Variants in CEP152 observed in about 807,000 individuals in gnomAD.
CEP152 encodes centrosomal protein 152.
CEP152 carries 132 observed loss-of-function variants against 188.9 expected under a neutral mutation model. The ratio of observed to expected loss-of-function variants is 0.70; its 90% CI spans 0.61 to 0.81. The LOEUF is 0.81. Among genes scored for constraint, CEP152 ranks in the 30% least tolerant of loss-of-function variants. CEP152 has a pLI of 0.00. For synonymous variants in CEP152, 649 were observed against 666.6 expected, an observed-to-expected ratio of 0.97 and a Z score of 0.41; for missense variants, 1,914 against 1,969.8, an observed-to-expected ratio of 0.97 and a Z score of 0.54.
chr15:48,751,750 C>G (rs562080177), intron 21 of CEP152, among the ~76,000 whole-genome samples: 1 of 152,256 alleles, frequency 6.6e-6, no homozygotes, highest in African/African-American at 2.4e-5. Context: ...TCTGAAATCT[C>G]CATGAATAGG....
intron 1 of CEP152, among the ~76,000 whole-genome samples, chr15:48,806,090 C>T (rs931871905): frequency 6.6e-6 from 1 of 151,984 alleles, no homozygotes; most frequent in African/African-American, 2.4e-5. Context: ...AAATATCATG[C>T]TTTACAAGAA....
At chr15:48,756,626 A>G in intron 19 of CEP152, 73 bp from the exon 20 acceptor site, 2 of 1,439,766 alleles carry the variant, frequency 1.4e-6, no homozygotes, top group Non-Finnish European at 9.6e-7. Context: ...TAAGGTAACT[A>G]TTTTGGTTAA....
Position 48,772,410 on chromosome 15 carries a change from C to CAA in CEP152, c.1782+75_1782+76dup, listed in dbSNP as rs146867646. The stretch of plus-strand genomic sequence containing the variant: ...TGGAAGACAGAGTGACGCCCTGTCT[C>CAA]AAAAAAAAAAAAGTGTAAAAGTTTT... On this transcript the variant is annotated intron_variant, in intron 13 of 26. Transcript: ENST00000380950. 1,085 of 1,044,872 alleles carry CAA rather than the reference C, an allele frequency of 1.0e-3. 1 individual carries two copies. The highest frequency in any genetic ancestry group is 9.1e-3 in the African/African-American group (546 of 59,842). The allele number at this position is 1,044,872 out of a possible 1,614,324, so 64.7% of individuals were successfully genotyped here.
chr15:48,752,650 A>G (rs1420758740), intron 20 of CEP152, among the ~76,000 whole-genome samples, 181 bp from the exon 21 acceptor site: 1 of 152,214 alleles, frequency 6.6e-6, no homozygotes, highest in Non-Finnish European at 1.5e-5. Flanking sequence ...ACTAGGAACT[A>G]GCTTCCTATG....
intron 21 of CEP152, among the ~76,000 whole-genome samples, chr15:48,749,260 G>T (rs757208691): frequency 1.3e-5 from 2 of 151,894 alleles, no homozygotes; most frequent in African/African-American, 2.4e-5. Flanking sequence ...GAGAGGAAAG[G>T]ATTCTTGATT....
chr15:48,766,219 CTTTTT>C (rs2140744941), intron 17 of CEP152, among the ~76,000 whole-genome samples: 1 of 152,290 alleles, frequency 6.6e-6, no homozygotes, highest in Non-Finnish European at 1.5e-5. Context: ...CTTTACTATT[CTTTTT>C]AAGTGTGTGG....
chr15:48,799,037 T>C (rs1207672666), intron 2 of CEP152, among the ~76,000 whole-genome samples: 1 of 152,176 alleles, frequency 6.6e-6, no homozygotes, highest in African/African-American at 2.4e-5. Flanking sequence ...TACTTCTCTT[T>C]AAGAAACTAA....
chr15:48,793,350 T>A lies in CEP152; in HGVS notation c.803A>T (p.Tyr268Phe), dbSNP rs372580183. Residue 268 changes from tyrosine to phenylalanine, a missense_variant, in exon 7 of 27, where the codon TAT becomes TTT. Transcript: ENST00000380950. ...TATTATTACAAGCTGGTGATTCAGA[T>A]ATCGAATTTGACGTTCACTTTCATT... Reference protein sequence around the residue: ...KLNESERQIRYLNHQLVIIKD... With the variant: ...KLNESERQIRFLNHQLVIIKD... 20 of 1,613,936 alleles carry A rather than the reference T, an allele frequency of 1.2e-5. No individual in the cohort carries two copies. In the African/African-American group the frequency reaches 2.5e-4, roughly 20 times the overall value.
At chr15:48,768,776 A>T (rs961773816) in intron 14 of CEP152, among the ~76,000 whole-genome samples, 180 bp downstream of exon 14, 1 of 152,178 alleles carries the variant, frequency 6.6e-6, no homozygotes, top group African/African-American at 2.4e-5. Context: ...CTTACCTTCC[A>T]ATGAAACTAC....
intron 13 of CEP152, among the ~76,000 whole-genome samples, chr15:48,769,989 T>A (rs1395172294): frequency 6.6e-6 from 1 of 152,248 alleles, no homozygotes; most frequent in African/African-American, 2.4e-5. Context: ...ATTTCTTGTG[T>A]CACCACCAAA....
intron 15 of CEP152, 29 bp downstream of exon 15, chr15:48,768,190 C>CA: frequency 7.7e-7 from 1 of 1,291,298 alleles, no homozygotes; most frequent in Non-Finnish European, 1.1e-6. Flanking sequence ...ACCCAGGAGA[C>CA]AGTCGTCAGG....
At chr15:48,798,079 A>C in intron 2 of CEP152, 28 bp from the exon 3 acceptor site, 55 of 1,581,982 alleles carry the variant, frequency 3.5e-5, no homozygotes, top group Non-Finnish European at 4.4e-5. Flanking sequence ...CATCAATATC[A>C]TACCAACTTA....
Position 48,756,291 on chromosome 15 carries a change from T to G in CEP152, c.2957A>C (p.His986Pro). 5 of 1,577,550 alleles carry G rather than the reference T, an allele frequency of 3.2e-6. No individual in the cohort carries two copies. The highest frequency in any genetic ancestry group is 4.3e-6 in the Non-Finnish European group (5 of 1,164,942). Reference sequence around the variant, plus strand: ...AAGCACCTCATTAATTTTATTTCGGTGATCATCTAAAAATTGCCGGTAATC... The same window carrying G: ...AAGCACCTCATTAATTTTATTTCGGGGATCATCTAAAAATTGCCGGTAATC... The part of the protein sequence containing the change: ...EQDYRQFLDD[H>P]RNKINEVLAA... Residue 986 changes from histidine (H) to proline (P), a missense_variant, in exon 20 of 27, where the codon CAC (histidine) becomes CCC (proline). Coordinates refer to ENST00000380950, the MANE Select transcript of CEP152 (RefSeq NM_001194998.2).
intron 10 of CEP152, chr15:48,783,433 A>C (rs1027188655): frequency 6.6e-6 from 1 of 152,224 alleles, no homozygotes; most frequent in Admixed American, 6.5e-5. Context: ...GGATAGAACT[A>C]TATGATCAAA....
chr15:48,732,481 A>G lies in CEP152; in HGVS notation c.142+9150T>C, dbSNP rs895431730. 3.3e-5 allele frequency among the ~76,000 whole-genome samples: 5 copies of G among 152,104 alleles called. No homozygotes were observed. The East Asian group carries it at 9.7e-4, about 30-fold the overall frequency. On this transcript the variant is annotated intron_variant and NMD_transcript_variant, in intron 2 of 3. Coordinates refer to the CEP152 transcript ENST00000561245. ...TTCTCACTCATAAGTGAGTGAGAAC[A>G]TTGGGAGCTGAACATTGGGAACACA... is the stretch of plus-strand genomic sequence containing the variant.
intron 2 of CEP152, among the ~76,000 whole-genome samples, chr15:48,798,498 G>A (rs1897470573): frequency 6.6e-6 from 1 of 151,874 alleles, no homozygotes. Context: ...CAGGTGATGA[G>A]AACAGCAGCA....
At chr15:48,746,352 T>A (rs947745064) in intron 22 of CEP152, among the ~76,000 whole-genome samples, 1 of 152,120 alleles carries the variant, frequency 6.6e-6, no homozygotes, top group Admixed American at 6.6e-5. Context: ...TTATAAATAA[T>A]AGTCATATCC....
chr15:48,796,239 G>A, intron 5 of CEP152, 79 bp from the exon 6 acceptor site: 1 of 1,504,354 alleles, frequency 6.6e-7, no homozygotes, highest in Non-Finnish European at 9.1e-7. Context: ...CTAAATTAAT[G>A]TTACGTTACA....
chr15:48,803,317 G>C (rs1055883496), intron 2 of CEP152, among the ~76,000 whole-genome samples: 1 of 152,014 alleles, frequency 6.6e-6, no homozygotes, highest in African/African-American at 2.4e-5. Flanking sequence ...GACTGAGACA[G>C]TTAAAAAAAA....
Sources: allele counts gnomAD v4.1 joint callset (sites outside exome capture counted in the v4.1 genomes callset), GRCh38; gene constraint gnomAD v4.1.1; transcripts MANE v1.5; gene names NCBI Gene and HGNC (gene_info 2026-07-23, HGNC 2026-07-21).